The following MYCT1 variants were observed in gnomAD, a reference collection of about 807,000 sequenced individuals.
MYCT1 encodes MYC target 1.
Under a neutral mutation model 15.0 loss-of-function variants are expected in MYCT1, and 12 were observed. The observed-to-expected ratio is 0.80, with a 90% confidence interval of 0.51 to 1.29. The LOEUF is 1.29. Among genes scored for constraint, MYCT1 ranks in the 50% most tolerant of loss-of-function variants. The pLI is 0.00. For missense variants in MYCT1, 287 were observed against 279.1 expected (o/e 1.03, Z -0.20); for synonymous variants, 104 against 102.7 (o/e 1.01, Z -0.07).
At chr6:152,726,995 AG>A (rs201141970), downstream of MYCT1, among the ~76,000 whole-genome samples, 1,265 of 152,188 alleles carry the variant, frequency 8.3e-3, 10 homozygotes, top group Non-Finnish European at 0.012. Context: ...GCACTTTGGG[AG>A]GGCTGGAGTT....
intron 1 of MYCT1, among the ~76,000 whole-genome samples, chr6:152,703,074 C>A (rs1055927956): frequency 2.6e-5 from 4 of 152,172 alleles, no homozygotes; most frequent in Non-Finnish European, 5.9e-5. Context: ...CAATGTTATG[C>A]AAGCCTTGTA....
chr6:152,733,063 G>GT, the MYCT1 span, among the ~76,000 whole-genome samples: 1 of 151,744 alleles, frequency 6.6e-6, no homozygotes, highest in East Asian at 1.9e-4. Context: ...GTTTTTATTT[G>GT]TTTTTTATTT....
chr6:152,739,894 T>G, the MYCT1 span, among the ~76,000 whole-genome samples: 10 of 152,276 alleles, frequency 6.6e-5, no homozygotes, highest in Admixed American at 6.5e-4. Flanking sequence ...TCCAATTGGC[T>G]GTTCATTTCA....
intron 1 of MYCT1, among the ~76,000 whole-genome samples, chr6:152,719,406 G>T (rs1202673408): frequency 6.6e-6 from 1 of 152,092 alleles, no homozygotes; most frequent in Non-Finnish European, 1.5e-5. Flanking sequence ...AGATGCTTTG[G>T]TCTCAGATCC....
intron 1 of MYCT1, among the ~76,000 whole-genome samples, chr6:152,716,648 A>ATT (rs2099723741): frequency 6.6e-6 from 1 of 152,060 alleles, no homozygotes; most frequent in East Asian, 1.9e-4. Flanking sequence ...AGAAGGGTCA[A>ATT]ATGACTTGAG....
rs763650615 is a variant in MYCT1 at position 152,722,219 on chromosome 6, A to G, written c.674A>G (p.Tyr225Cys). 2 of 1,613,994 alleles carry G rather than the reference A, an allele frequency of 1.2e-6. No homozygotes were observed. The highest frequency in any genetic ancestry group is 1.7e-6 in the Non-Finnish European group (2 of 1,179,958). ...VGLSTPPPPA[Y>C]ESIIKAFPDS ...CTTTCAACACCGCCCCCACCTGCCT[A>G]TGAGTCCATCATCAAGGCATTCCCA... Residue 225 changes from tyrosine to cysteine, a missense_variant, in exon 2 of 2, where the codon TAT (tyrosine) becomes TGT (cysteine). Tyr to Cys is a radical substitution (Grantham distance 194, BLOSUM62 -2). Coordinates refer to ENST00000367245, the MANE Select transcript of MYCT1 (RefSeq NM_025107.3).
the MYCT1 span, among the ~76,000 whole-genome samples, chr6:152,738,799 T>A: frequency 1.3e-5 from 2 of 152,116 alleles, no homozygotes; most frequent in South Asian, 4.1e-4. Context: ...ACATTACTGT[T>A]TTAATGGTGA....
chr6:152,743,186 C>A, the MYCT1 span, among the ~76,000 whole-genome samples: 4 of 152,192 alleles, frequency 2.6e-5, no homozygotes, highest in African/African-American at 9.7e-5. Flanking sequence ...CTGCCTCAGC[C>A]TCCCATGTAG....
At chr6:152,735,240 G>C in the MYCT1 span, among the ~76,000 whole-genome samples, 9,346 of 152,078 alleles carry the variant, frequency 0.061, 441 homozygotes, top group East Asian at 0.17. Flanking sequence ...TGAAAGAACT[G>C]GAGAAGATTG....
chr6:152,714,225 C>T (rs1218505273), intron 1 of MYCT1, among the ~76,000 whole-genome samples: 1 of 150,246 alleles, frequency 6.7e-6, no homozygotes, highest in Non-Finnish European at 1.5e-5. Context: ...CCATCCTTGT[C>T]GTTCCAATTA....
chr6:152,730,641 G>T, the MYCT1 span, among the ~76,000 whole-genome samples: 1 of 152,008 alleles, frequency 6.6e-6, no homozygotes, highest in Non-Finnish European at 1.5e-5. Flanking sequence ...TGGTTACATT[G>T]GTCCCTGCAG....
chr6:152,739,125 G>T, the MYCT1 span, among the ~76,000 whole-genome samples: 6 of 151,552 alleles, frequency 4.0e-5, no homozygotes, highest in African/African-American at 1.5e-4. Context: ...ATTATATTGG[G>T]AGTTTTATAT....
chr6:152,733,053 GTTTTT>G, the MYCT1 span, among the ~76,000 whole-genome samples: 554 of 152,058 alleles, frequency 3.6e-3, 7 homozygotes, highest in African/African-American at 0.013. Context: ...GTTTGGTTTT[GTTTTT>G]ATTTGTTTTT....
the MYCT1 span, among the ~76,000 whole-genome samples, chr6:152,732,922 A>C: frequency 6.6e-6 from 1 of 152,224 alleles, no homozygotes; most frequent in South Asian, 2.1e-4. Flanking sequence ...TTAAAACATT[A>C]GCGCCTTCTC....
At chr6:152,702,032 C>T (rs2099721408) in intron 1 of MYCT1, among the ~76,000 whole-genome samples, 1 of 151,862 alleles carries the variant, frequency 6.6e-6, no homozygotes, top group Non-Finnish European at 1.5e-5. Flanking sequence ...TGCCATCTTT[C>T]CCAGGAAGCT....
At chr6:152,702,206 T>C (rs2129068139) in intron 1 of MYCT1, among the ~76,000 whole-genome samples, 1 of 152,294 alleles carries the variant, frequency 6.6e-6, no homozygotes, top group African/African-American at 2.4e-5. Flanking sequence ...TGCATGGAAA[T>C]TGACTCATAG....
the MYCT1 span, among the ~76,000 whole-genome samples, chr6:152,742,249 G>T: frequency 6.6e-6 from 1 of 152,162 alleles, no homozygotes; most frequent in Admixed American, 6.5e-5. Flanking sequence ...TGGGAGAATG[G>T]GTTACAGTCT....
chr6:152,734,747 T>C, the MYCT1 span, among the ~76,000 whole-genome samples: 1 of 152,212 alleles, frequency 6.6e-6, no homozygotes, highest in African/African-American at 2.4e-5. Context: ...GGGTCTGGCC[T>C]TTGACGTTAT....
chr6:152,745,784 C>T, the MYCT1 span, among the ~76,000 whole-genome samples: 313 of 152,292 alleles, frequency 2.1e-3, 2 homozygotes, highest in African/African-American at 7.3e-3. Flanking sequence ...TTGCTAGGCC[C>T]TTTCCACTCT....
Sources: gnomAD v4.1 joint callset for allele counts (sites outside exome capture counted in the v4.1 genomes callset) on GRCh38, gnomAD v4.1.1 for gene constraint, MANE v1.5 for transcripts, NCBI Gene and HGNC (gene_info 2026-07-23, HGNC 2026-07-21) for gene names.